CHSY3: variants seen among roughly 807,000 people sequenced by gnomAD.
CHSY3 encodes N-acetylgalactosaminyl-proteoglycan 3-beta-glucuronosyltransferase 3.
In CHSY3, 35 loss-of-function variants were observed where a neutral mutation model predicts 67.2. That is an observed-to-expected ratio of 0.52 (90% CI 0.40 to 0.69). CHSY3 has a LOEUF of 0.69. Ranked by LOEUF, CHSY3 falls within the 30% of genes least tolerant of loss-of-function variation. The probability of loss-of-function intolerance (pLI) is 0.00; values close to 1 mark genes in which losing one functional copy is unlikely to be tolerated. For synonymous variants in CHSY3, 474 were observed against 434.7 expected (o/e 1.09, Z -1.12); for missense variants, 1,069 against 1,138.5 (o/e 0.94, Z 0.88).
intron 2 of CHSY3, among the ~76,000 whole-genome samples, chr5:130,129,889 A>G (rs1768424891): frequency 1.3e-5 from 2 of 152,172 alleles, no homozygotes; most frequent in South Asian, 4.1e-4. Context: ...CACTGTATAC[A>G]TATAAACTAG....
chr5:130,028,687 G>A (rs1764624251), intron 2 of CHSY3, among the ~76,000 whole-genome samples: 1 of 151,876 alleles, frequency 6.6e-6, no homozygotes, highest in Non-Finnish European at 1.5e-5. Flanking sequence ...GAGGGTGCTG[G>A]AAAAAATCTC....
chr5:130,048,014 G>T (rs1278093063), intron 2 of CHSY3, among the ~76,000 whole-genome samples: 1 of 150,998 alleles, frequency 6.6e-6, no homozygotes, highest in East Asian at 1.9e-4. Flanking sequence ...TGTAAAAAAA[G>T]AAGTAAAGAA....
intron 2 of CHSY3, chr5:130,002,226 G>T (rs1461476280): frequency 5.5e-6 from 1 of 180,990 alleles, no homozygotes; most frequent in African/African-American, 2.4e-5. Context: ...GTTTTATTGG[G>T]AAAACCTGCA....
intron 2 of CHSY3, among the ~76,000 whole-genome samples, chr5:130,070,185 T>C (rs915001387): frequency 6.6e-6 from 1 of 152,124 alleles, no homozygotes; most frequent in East Asian, 1.9e-4. Flanking sequence ...TATTAACTGA[T>C]AGGAGTACTA....
chr5:129,952,499 A>G (rs890232958), intron 2 of CHSY3, among the ~76,000 whole-genome samples: 45 of 152,218 alleles, frequency 3.0e-4, no homozygotes, highest in African/African-American at 1.1e-3. Context: ...AATTTGCCTA[A>G]TAATCTATGT....
intron 2 of CHSY3, among the ~76,000 whole-genome samples, chr5:129,959,757 T>A (rs140450992): frequency 6.6e-6 from 1 of 152,226 alleles, no homozygotes; most frequent in East Asian, 1.9e-4. Flanking sequence ...AATTTGAAAT[T>A]TTTTTCCGAT....
chr5:130,037,083 A>G (rs1242437418), intron 2 of CHSY3, among the ~76,000 whole-genome samples: 1 of 152,166 alleles, frequency 6.6e-6, no homozygotes, highest in African/African-American at 2.4e-5. Context: ...TAGCTGTCAT[A>G]AAAGAACGAA....
At chr5:130,049,867 G>A (rs948623204) in intron 2 of CHSY3, among the ~76,000 whole-genome samples, 2 of 151,074 alleles carry the variant, frequency 1.3e-5, no homozygotes, top group Non-Finnish European at 2.9e-5. Flanking sequence ...CATAAAGTTA[G>A]TACAATGGGA....
intron 2 of CHSY3, among the ~76,000 whole-genome samples, chr5:130,135,232 G>A (rs1030282334): frequency 6.6e-6 from 1 of 151,414 alleles, no homozygotes; most frequent in Admixed American, 6.6e-5. Flanking sequence ...ATATATGCAT[G>A]TCTGTGTATA....
In CHSY3 at chr5:130,185,633, C is replaced by T. The variant is rs1292420460; in HGVS notation, c.2491C>T (p.His831Tyr). The T allele has an allele frequency of 1.2e-6, 2 of 1,614,060 alleles. No individual in the cohort carries two copies. Among genetic ancestry groups the T allele is most frequent in the Admixed American group, 1.7e-5 (1 of 60,012 alleles). The stretch of plus-strand genomic sequence containing the variant: ...CAGAAGCCAAGAAGTAGGAGTGGTG[C>T]ATATTTTCCATCCAGTTCATTGTGA... ...PFRSQEVGVV[H>Y]IFHPVHCDPN... Residue 831 changes from histidine (H) to tyrosine (Y), a missense_variant, in exon 3 of 3, where the codon CAT (histidine) becomes TAT (tyrosine). Physicochemically the swap from His to Tyr is moderately conservative, Grantham distance 83. Coordinates refer to ENST00000305031, the MANE Select transcript of CHSY3 (RefSeq NM_175856.5).
intron 2 of CHSY3, among the ~76,000 whole-genome samples, chr5:129,970,333 C>T (rs1020264428): frequency 2.6e-5 from 4 of 151,124 alleles, no homozygotes; most frequent in African/African-American, 4.9e-5. Flanking sequence ...TTTATTTGTT[C>T]GACTTTAGGG....
intron 2 of CHSY3, among the ~76,000 whole-genome samples, chr5:130,055,512 G>T (rs1443411321): frequency 6.6e-6 from 1 of 152,092 alleles, no homozygotes; most frequent in Non-Finnish European, 1.5e-5. Flanking sequence ...TTGTACTGAT[G>T]ATATGTTAGA....
At chr5:130,061,122 G>GA (rs1765698918) in intron 2 of CHSY3, among the ~76,000 whole-genome samples, 1 of 151,940 alleles carries the variant, frequency 6.6e-6, no homozygotes, top group Non-Finnish European at 1.5e-5. Flanking sequence ...TAAGCAAAAA[G>GA]AACAAACCTG....
intron 2 of CHSY3, among the ~76,000 whole-genome samples, chr5:129,921,341 G>A (rs1428294040): frequency 6.6e-6 from 1 of 152,080 alleles, no homozygotes; most frequent in Non-Finnish European, 1.5e-5. Context: ...TCTGAGAATC[G>A]AGGTGGCTAC....
intron 2 of CHSY3, among the ~76,000 whole-genome samples, chr5:130,165,278 T>C (rs1456001547): frequency 3.9e-5 from 6 of 152,212 alleles, no homozygotes; most frequent in African/African-American, 1.2e-4. Context: ...GCCCAGAAGA[T>C]ATGAAGAAGA....
At chr5:129,960,747 T>C (rs1044546769) in intron 2 of CHSY3, among the ~76,000 whole-genome samples, 8 of 152,062 alleles carry the variant, frequency 5.3e-5, no homozygotes, top group African/African-American at 1.9e-4. Context: ...CATGCCATTG[T>C]TTAAAAAGTA....
At chr5:130,016,717 G>T (rs1291926096) in intron 2 of CHSY3, among the ~76,000 whole-genome samples, 1 of 152,112 alleles carries the variant, frequency 6.6e-6, no homozygotes, top group African/African-American at 2.4e-5. Flanking sequence ...CCAATTAGTG[G>T]TATTATTAAT....
intron 2 of CHSY3, among the ~76,000 whole-genome samples, chr5:129,913,872 A>G (rs1760649771): frequency 6.6e-6 from 1 of 152,216 alleles, no homozygotes; most frequent in Non-Finnish European, 1.5e-5. Flanking sequence ...ATTTTACACT[A>G]GAATGTTTTA....
At position 129,930,505 on chromosome 5, in the gene CHSY3, T is replaced by TTG. The variant is rs1196091402; in HGVS notation, c.1086+22145_1086+22146insTG. ...ATAGATGTTTAAAAGGAGGCATCAC[T>TTG]GGCGGGGGGGGGGTATGAAGTTTTG... On this transcript the variant is annotated intron_variant, in intron 2 of 2. Coordinates refer to ENST00000305031, the MANE Select transcript of CHSY3 (RefSeq NM_175856.5). 4.1e-3 allele frequency among the ~76,000 whole-genome samples: 309 copies of TTG among 75,340 alleles called. 9 individuals carry two copies. The highest frequency in any genetic ancestry group is 0.015 in the African/African-American group (260 of 17,804). 49.4% of individuals were successfully genotyped at this position (75,340 alleles called of 152,430 possible). A position where few individuals can be genotyped will look rare whatever the true frequency, so the allele number is the denominator to read the frequency against.
Sources: allele counts gnomAD v4.1 joint callset (sites outside exome capture counted in the v4.1 genomes callset), GRCh38; gene constraint gnomAD v4.1.1; transcripts MANE v1.5; gene names NCBI Gene and HGNC (gene_info 2026-07-23, HGNC 2026-07-21).